PDE1C: variants seen among roughly 807,000 people sequenced by gnomAD.
PDE1C encodes the protein phosphodiesterase 1C.
In PDE1C, 62 loss-of-function variants were observed where a neutral mutation model predicts 93.1. The observed-to-expected ratio is 0.67, with a 90% CI of 0.54 to 0.82. The LOEUF is 0.82. PDE1C is among the 40% of genes least tolerant of loss of function. The probability of loss-of-function intolerance (pLI) is 0.00; values close to 1 mark genes in which losing one functional copy is unlikely to be tolerated. For missense variants in PDE1C, 742 were observed against 884.6 expected (o/e 0.84, Z 2.04); for synonymous variants, 325 against 310.1 (o/e 1.05, Z -0.50).
intron 9 of PDE1C, chr7:31,847,740 A>T: frequency 2.2e-6 from 1 of 463,888 alleles, no homozygotes; most frequent in Non-Finnish European, 3.9e-6. Flanking sequence ...TAATCATAAC[A>T]TTCCATAGCC....
chr7:32,310,090 G>A (rs918524993), intron 1 of PDE1C, among the ~76,000 whole-genome samples: 22 of 151,910 alleles, frequency 1.4e-4, no homozygotes, highest in Admixed American at 9.2e-4. Flanking sequence ...AAAAAGGCAG[G>A]GGTTGCAATC....
intron 1 of PDE1C, among the ~76,000 whole-genome samples, chr7:32,374,856 C>G (rs1317849699): frequency 6.6e-6 from 1 of 152,180 alleles, no homozygotes; most frequent in South Asian, 2.1e-4. Context: ...TGTATCCCAG[C>G]TCATCAGTCT....
the PDE1C span, among the ~76,000 whole-genome samples, chr7:31,621,209 C>A: frequency 6.6e-6 from 1 of 151,952 alleles, no homozygotes; most frequent in African/African-American, 2.4e-5. Context: ...GAGAACTTCC[C>A]CAATCTAGCA....
intron 16 of PDE1C, among the ~76,000 whole-genome samples, chr7:31,805,032 A>T (rs1786638964): frequency 1.3e-5 from 2 of 151,774 alleles, no homozygotes; most frequent in South Asian, 4.2e-4. Flanking sequence ...TTCTCATGAT[A>T]GTAAATAAGT....
Position 32,034,131 on chromosome 7 carries a change from C to G in PDE1C, c.128+17423G>C, listed in dbSNP as rs1246728524. On this transcript the variant is annotated intron_variant, in intron 2 of 17. Transcript: ENST00000396191. ...GTATTTTTTTACTGTGTGTCACAGT[C>G]AAACCAGCATACAGCACCTGGATAT... Among the ~76,000 whole-genome samples the G allele has an allele frequency of 3.3e-5, 5 of 151,300 alleles. No homozygotes were observed. In the East Asian group the frequency reaches 9.7e-4, roughly 29 times the overall value.
rs542495038 is a variant in PDE1C at position 31,877,056 on chromosome 7, C to T, written c.492+914G>A. 2.6e-5 allele frequency among the ~76,000 whole-genome samples: 4 copies of T among 152,220 alleles called. No individual in the cohort carries two copies. The East Asian group carries it at 7.7e-4, about 29-fold the overall frequency. Reference sequence around the variant, plus strand: ...TAGCTTCTGAAAATATCACCTTTTTCAGGTTTTGGAGAAAGAAAACAATGG... The same window carrying T: ...TAGCTTCTGAAAATATCACCTTTTTTAGGTTTTGGAGAAAGAAAACAATGG... On this transcript the variant is annotated intron_variant, in intron 5 of 17. Coordinates refer to ENST00000396191, the MANE Select transcript of PDE1C (RefSeq NM_001191057.4).
chr7:31,871,404 A>G (rs976702477), intron 6 of PDE1C, among the ~76,000 whole-genome samples: 11 of 152,122 alleles, frequency 7.2e-5, no homozygotes, highest in Non-Finnish European at 1.3e-4. Flanking sequence ...TGCACAGGAA[A>G]CAATCAACAG....
intron 6 of PDE1C, among the ~76,000 whole-genome samples, chr7:31,871,724 G>A (rs1258622590): frequency 6.6e-6 from 1 of 151,314 alleles, no homozygotes; most frequent in Admixed American, 6.6e-5. Context: ...TGGTGAGGAT[G>A]TAGAGAAAAG....
At chr7:31,617,109 G>C in the PDE1C span, among the ~76,000 whole-genome samples, 283 of 152,288 alleles carry the variant, frequency 1.9e-3, no homozygotes, top group African/African-American at 6.4e-3. Flanking sequence ...TGGTGGGTGA[G>C]CTCGTCCCGG....
rs1180195472 is a variant in PDE1C at position 32,350,547 on chromosome 7, AATATATATATAT to A, written c.310+77263_310+77274del. On this transcript the variant is annotated intron_variant, in intron 1 of 1. Coordinates refer to the PDE1C transcript ENST00000672256. ...TAAGGTCTATGCATGGCATTTGACTAATATATATATATATATATATATATATATATATATATA... is the reference window on the plus strand; with the variant it reads ...TAAGGTCTATGCATGGCATTTGACTAATATATATATATATATATATATATA... Among the ~76,000 whole-genome samples, 6 of 41,038 alleles carry A rather than the reference AATATATATATAT, an allele frequency of 1.5e-4. 1 individual carries two copies. The highest frequency in any genetic ancestry group is 7.1e-4 in the African/African-American group (6 of 8,472). 26.9% of individuals were successfully genotyped at this position (41,038 alleles called of 152,430 possible). A position where few individuals can be genotyped will look rare whatever the true frequency, so the allele number is the denominator to read the frequency against.
downstream of PDE1C, among the ~76,000 whole-genome samples, chr7:31,747,735 G>C (rs1382407808): frequency 6.6e-6 from 1 of 151,994 alleles, no homozygotes; most frequent in African/African-American, 2.4e-5. Context: ...TGATTGGTTA[G>C]GGATGAGATC....
At chr7:31,750,552 C>A (rs1379475246), downstream of PDE1C, among the ~76,000 whole-genome samples, 1 of 152,142 alleles carries the variant, frequency 6.6e-6, no homozygotes. Flanking sequence ...GCTGTAAGGC[C>A]AGCCCTGTGC....
chr7:32,364,581 C>T (rs1784194707), intron 1 of PDE1C, among the ~76,000 whole-genome samples: 1 of 152,226 alleles, frequency 6.6e-6, no homozygotes, highest in Non-Finnish European at 1.5e-5. Flanking sequence ...TCCCACAGTC[C>T]TTGCAAGCCA....
the PDE1C span, among the ~76,000 whole-genome samples, chr7:31,713,101 A>G: frequency 6.6e-6 from 1 of 152,240 alleles, no homozygotes; most frequent in Non-Finnish European, 1.5e-5. Context: ...AAAAGTCGAC[A>G]GTCCAAAGTC....
At chr7:31,810,302 T>C (rs1202264106) in intron 15 of PDE1C, among the ~76,000 whole-genome samples, 2 of 152,102 alleles carry the variant, frequency 1.3e-5, no homozygotes, top group African/African-American at 4.8e-5. Context: ...CTCACTCAAA[T>C]ACTGGTACTT....
At chr7:32,105,388 C>T (rs1798246607) in intron 3 of PDE1C, among the ~76,000 whole-genome samples, 1 of 152,014 alleles carries the variant, frequency 6.6e-6, no homozygotes, top group Non-Finnish European at 1.5e-5. Context: ...ACATGGTCCT[C>T]TGGAAGAGAA....
At chr7:32,123,091 CAAAT>C (rs1348832817) in intron 3 of PDE1C, among the ~76,000 whole-genome samples, 1 of 152,132 alleles carries the variant, frequency 6.6e-6, no homozygotes, top group African/African-American at 2.4e-5. Context: ...TACCTCGACA[CAAAT>C]AAACTAGAAA....
At chr7:31,664,733 G>A in the PDE1C span, among the ~76,000 whole-genome samples, 18 of 152,206 alleles carry the variant, frequency 1.2e-4, no homozygotes, top group African/African-American at 4.3e-4. Context: ...GATTAATTGA[G>A]TCTTTTCAGA....
At chr7:32,201,915 A>G (rs566323768) in intron 2 of PDE1C, among the ~76,000 whole-genome samples, 5 of 152,336 alleles carry the variant, frequency 3.3e-5, no homozygotes, top group African/African-American at 1.2e-4. Context: ...AAGGAGGAGG[A>G]GGAGCTTCGT....
Sources: gnomAD v4.1 joint callset for allele counts (sites outside exome capture counted in the v4.1 genomes callset) on GRCh38, gnomAD v4.1.1 for gene constraint, MANE v1.5 for transcripts, NCBI Gene and HGNC (gene_info 2026-07-23, HGNC 2026-07-21) for gene names.